Variants in EPB41L4A observed in about 807,000 individuals in gnomAD.
EPB41L4A encodes the protein erythrocyte membrane protein band 4.1 like 4A, also known as band 4.1-like protein 4A.
In EPB41L4A, 100 loss-of-function variants were observed where a neutral mutation model predicts 108.6. The ratio of observed to expected loss-of-function variants is 0.92; its 90% CI spans 0.78 to 1.09. The LOEUF is 1.09. EPB41L4A is among the 50% of genes least tolerant of loss of function. EPB41L4A has a pLI of 0.00. For synonymous variants in EPB41L4A, 319 were observed against 289.0 expected, an observed-to-expected ratio of 1.10 and a Z score of -1.05; for missense variants, 1,030 against 842.7, an observed-to-expected ratio of 1.22 and a Z score of -2.75.
intron 18 of EPB41L4A, among the ~76,000 whole-genome samples, 196 bp from the exon 19 acceptor site, chr5:112,171,188 A>C (rs941672853): frequency 6.6e-6 from 1 of 152,212 alleles, no homozygotes; most frequent in African/African-American, 2.4e-5. Flanking sequence ...CTGCCGCTGA[A>C]GGAAAATCAT....
At chr5:112,342,589 C>T (rs1213016117) in intron 1 of EPB41L4A, among the ~76,000 whole-genome samples, 3 of 152,144 alleles carry the variant, frequency 2.0e-5, no homozygotes, top group Non-Finnish European at 4.4e-5. Context: ...TGCATTAGAG[C>T]TGAGGGTCTA....
intron 1 of EPB41L4A, among the ~76,000 whole-genome samples, chr5:112,357,505 A>C (rs1758436756): frequency 6.6e-6 from 1 of 152,244 alleles, no homozygotes; most frequent in South Asian, 2.1e-4. Context: ...GATTTCCTTA[A>C]GACCAGGTGC....
intron 1 of EPB41L4A, among the ~76,000 whole-genome samples, chr5:112,418,175 G>A: frequency 6.6e-6 from 1 of 152,236 alleles, no homozygotes. Context: ...CCTTTAGGTA[G>A]TTAACACTGT....
At chr5:112,154,079 AT>A (rs1759567015) in intron 12 of EPB41L4A, among the ~76,000 whole-genome samples, 1 of 152,242 alleles carries the variant, frequency 6.6e-6, no homozygotes, top group Non-Finnish European at 1.5e-5. Flanking sequence ...AAGTACTGTA[AT>A]AATAAGTATT....
chr5:112,224,771 C>A (rs911589533), intron 12 of EPB41L4A, among the ~76,000 whole-genome samples: 1 of 152,104 alleles, frequency 6.6e-6, no homozygotes, highest in Non-Finnish European at 1.5e-5. Context: ...GAGGGAGGGA[C>A]CACAGACTTG....
chr5:112,235,962 A>C (rs1171591624), intron 11 of EPB41L4A, among the ~76,000 whole-genome samples: 1 of 152,202 alleles, frequency 6.6e-6, no homozygotes, highest in South Asian at 2.1e-4. Context: ...CCAAAAAGCT[A>C]AAAATCCCCA....
chr5:112,249,867 T>C (rs1348212017), intron 9 of EPB41L4A, among the ~76,000 whole-genome samples: 1 of 152,202 alleles, frequency 6.6e-6, no homozygotes, highest in East Asian at 1.9e-4. Context: ...TGCGCTAATA[T>C]GTACTGTGAA....
At chr5:112,266,481 G>A (rs140390763) in intron 4 of EPB41L4A, 151 bp from the exon 5 acceptor site, 390 of 604,562 alleles carry the variant, frequency 6.5e-4, no homozygotes, top group Non-Finnish European at 9.8e-4. Context: ...TGAGTGAACA[G>A]GAACTACTTA....
intron 2 of EPB41L4A, among the ~76,000 whole-genome samples, chr5:112,288,674 A>G (rs943948419): frequency 1.3e-5 from 2 of 152,192 alleles, no homozygotes; most frequent in Non-Finnish European, 2.9e-5. Context: ...TATACTGGTT[A>G]TCCTATGCAT....
At chr5:112,176,870 C>G (rs566888390) in intron 18 of EPB41L4A, among the ~76,000 whole-genome samples, 47 of 150,708 alleles carry the variant, frequency 3.1e-4, no homozygotes, top group Non-Finnish European at 4.0e-4. Flanking sequence ...TTCTCCTGAC[C>G]CAGCCTCCCA....
chr5:112,373,571 T>G (rs1280404517), intron 1 of EPB41L4A, among the ~76,000 whole-genome samples: 2 of 152,268 alleles, frequency 1.3e-5, no homozygotes, highest in Non-Finnish European at 2.9e-5. Flanking sequence ...TTTCAATGTA[T>G]TAACTCATTT....
At chr5:112,195,172 A>G (rs1471740451) in intron 16 of EPB41L4A, among the ~76,000 whole-genome samples, 1 of 152,100 alleles carries the variant, frequency 6.6e-6, no homozygotes, top group Non-Finnish European at 1.5e-5. Flanking sequence ...AGAAGTGTAA[A>G]AGAAGTGTCT....
chr5:112,197,880 T>C (rs1211909711), intron 15 of EPB41L4A, among the ~76,000 whole-genome samples: 1 of 152,192 alleles, frequency 6.6e-6, no homozygotes, highest in African/African-American at 2.4e-5. Flanking sequence ...GATACACTTT[T>C]TTGGAACCCA....
chr5:112,394,664 T>C (rs564127911), intron 1 of EPB41L4A, among the ~76,000 whole-genome samples: 36 of 152,262 alleles, frequency 2.4e-4, no homozygotes, highest in African/African-American at 5.3e-4. Context: ...GGCCATACTG[T>C]CCAAGGTAAT....
At chr5:112,411,036 C>CCT (rs138638621) in intron 1 of EPB41L4A, among the ~76,000 whole-genome samples, 1 of 152,262 alleles carries the variant, frequency 6.6e-6, no homozygotes, top group Non-Finnish European at 1.5e-5. Flanking sequence ...TAATAAACTT[C>CCT]CTCATGTTCA....
Position 112,168,866 on chromosome 5 carries a change from A to T in EPB41L4A, c.1851-46T>A. 6 of 1,552,610 alleles carry T rather than the reference A, an allele frequency of 3.9e-6. 1 individual carries two copies. In the South Asian group the frequency reaches 6.7e-5, roughly 17 times the overall value. On this transcript the variant is annotated intron_variant, in intron 21 of 22. Transcript: ENST00000261486. ...AATTAGTGACTGGAACAGTATCTAG[A>T]ATCATAAATTAAGTTGGAAGAGAAC...
downstream of EPB41L4A, among the ~76,000 whole-genome samples, chr5:112,160,054 A>T (rs114186778): frequency 7.2e-3 from 1,081 of 149,712 alleles, 8 homozygotes; most frequent in Middle Eastern, 0.01. Context: ...GGGATTATAG[A>T]CGCCCGCCAC....
chr5:112,161,444 G>T (rs151252280), downstream of EPB41L4A: 1 of 499,130 alleles, frequency 2.0e-6, no homozygotes, highest in Non-Finnish European at 4.0e-6. Flanking sequence ...CTGTCAGCCA[G>T]TCAGCAACCT....
chr5:112,185,560 C>A (rs1761386782), intron 17 of EPB41L4A, among the ~76,000 whole-genome samples: 2 of 152,102 alleles, frequency 1.3e-5, no homozygotes, highest in Admixed American at 1.3e-4. Flanking sequence ...ATACTCCAAG[C>A]CTTTGAAGTG....
Sources: gnomAD v4.1 joint callset for allele counts (sites outside exome capture counted in the v4.1 genomes callset) on GRCh38, gnomAD v4.1.1 for gene constraint, MANE v1.5 for transcripts, NCBI Gene and HGNC (gene_info 2026-07-23, HGNC 2026-07-21) for gene names.